IFI27L1: variants seen among roughly 807,000 people sequenced by gnomAD.
The protein encoded by IFI27L1 is interferon alpha-inducible protein 27-like protein 1.
A neutral mutation model predicts 9.2 loss-of-function variants in IFI27L1; 3 were observed. The ratio of observed to expected loss-of-function variants is 0.32; its 90% CI spans 0.15 to 0.84. The LOEUF (loss-of-function observed/expected upper bound fraction) is 0.84, where lower values mean the gene tolerates loss of function less well. Among genes scored for constraint, IFI27L1 ranks in the 40% least tolerant of loss-of-function variants. The pLI, the probability that IFI27L1 is intolerant of heterozygous loss-of-function variation, is 0.56. For synonymous variants in IFI27L1, 53 were observed against 50.0 expected (o/e 1.06, Z -0.26); for missense variants, 133 against 134.2 (o/e 0.99, Z 0.05).
At chr14:94,094,534 C>A (rs550061619) in intron 1 of IFI27L1, among the ~76,000 whole-genome samples, 1 of 152,274 alleles carries the variant, frequency 6.6e-6, no homozygotes, top group Admixed American at 6.5e-5. Context: ...GCTGATAAAG[C>A]AGCATGATGT....
rs1263126789 is a variant in IFI27L1 at position 94,086,235 on chromosome 14, C to T, written c.-52+4786C>T. Reference sequence around the variant, plus strand: ...TGTTTTCACCATCTCATGTGCCTGCCCCCCTTCCACCTTCTGCCATGATCG... The same window carrying T: ...TGTTTTCACCATCTCATGTGCCTGCTCCCCTTCCACCTTCTGCCATGATCG... On this transcript the variant is annotated intron_variant, in intron 1 of 4. Coordinates refer to ENST00000555523, the MANE Select transcript of IFI27L1 (RefSeq NM_206949.3). 2.0e-5 allele frequency among the ~76,000 whole-genome samples: 3 copies of T among 152,112 alleles called. No homozygotes were observed. In the East Asian group the frequency reaches 5.8e-4, roughly 29 times the overall value.
intron 1 of IFI27L1, among the ~76,000 whole-genome samples, chr14:94,093,156 G>A (rs1301922650): frequency 6.8e-6 from 1 of 147,602 alleles, no homozygotes; most frequent in Non-Finnish European, 1.5e-5. Flanking sequence ...ATTTTTGACT[G>A]CATTTCTTTT....
intron 1 of IFI27L1, among the ~76,000 whole-genome samples, chr14:94,084,895 T>C (rs965389419): frequency 6.6e-6 from 1 of 152,214 alleles, no homozygotes; most frequent in Non-Finnish European, 1.5e-5. Flanking sequence ...TGGGTTTTTT[T>C]ACATACAACC....
At chr14:94,102,426 G>T in intron 4 of IFI27L1, 51 bp from the exon 5 acceptor site, 1 of 1,213,024 alleles carries the variant, frequency 8.2e-7, no homozygotes, top group Non-Finnish European at 1.2e-6. Flanking sequence ...CCCCCTGTTA[G>T]GAGCTGCTAC....
chr14:94,097,082 C>A, intron 2 of IFI27L1, 117 bp downstream of exon 2: 1 of 711,692 alleles, frequency 1.4e-6, no homozygotes, highest in Non-Finnish European at 2.1e-6. Context: ...GGAGGCTATC[C>A]ATGGAAAAGA....
Position 94,088,373 on chromosome 14 carries a change from A to G in IFI27L1, c.-52+6924A>G, listed in dbSNP as rs1172495543. ...TGTGGCAGTGGCTTCCCGATATCCC[A>G]GTTTCGTGATCATGGCACTGGCTGA... is the stretch of plus-strand genomic sequence containing the variant. On this transcript the variant is annotated intron_variant, in intron 1 of 4. Transcript: ENST00000555523. 5.7e-6 allele frequency: 4 copies of G among 701,836 alleles called. No homozygotes were observed. In the Admixed American group the frequency reaches 6.0e-5, roughly 11 times the overall value. 43.5% of individuals were successfully genotyped at this position (701,836 alleles called of 1,614,324 possible). A position where few individuals can be genotyped will look rare whatever the true frequency, so the allele number is the denominator to read the frequency against.
At chr14:94,085,389 G>A (rs780549394) in intron 1 of IFI27L1, among the ~76,000 whole-genome samples, 3 of 152,146 alleles carry the variant, frequency 2.0e-5, no homozygotes, top group South Asian at 2.1e-4. Context: ...AAGACTAAAC[G>A]TAAATGCATG....
At chr14:94,100,379 C>T in intron 2 of IFI27L1, 8 of 985,428 alleles carry the variant, frequency 8.1e-6, no homozygotes, top group Non-Finnish European at 9.6e-6. Flanking sequence ...CTAAGCACCC[C>T]AGTCCCTGCC....
Position 94,081,365 on chromosome 14 carries a change from C to A in IFI27L1, c.-136C>A, listed in dbSNP as rs942026369. The A allele has an allele frequency of 2.2e-4, 33 of 152,342 alleles. No individual in the cohort carries two copies. The highest frequency in any genetic ancestry group is 1.8e-3 in the Admixed American group (28 of 15,308). The allele number at this position is 152,342 out of a possible 1,614,324, so 9.4% of individuals were successfully genotyped here. A position where few individuals can be genotyped will look rare whatever the true frequency, so the allele number is the denominator to read the frequency against. ...TGGCACCTCCTCTTACAGCTTTACT[C>A]CTGCCAGCTTGGGAAAAGGCCGGAG... On this transcript the variant is annotated 5_prime_UTR_variant, in exon 1 of 5. Transcript: ENST00000555523.
intron 1 of IFI27L1, among the ~76,000 whole-genome samples, chr14:94,093,169 T>TTTTTC (rs1886542276): frequency 6.9e-6 from 1 of 144,668 alleles, no homozygotes; most frequent in Admixed American, 6.9e-5. Flanking sequence ...TTTCTTTTCT[T>TTTTTC]TTTTTTTTTT....
At chr14:94,089,583 TTG>T (rs1886400743) in intron 1 of IFI27L1, among the ~76,000 whole-genome samples, 1 of 152,212 alleles carries the variant, frequency 6.6e-6, no homozygotes, top group Non-Finnish European at 1.5e-5. Context: ...AGCATGGTCT[TTG>T]TGAACTGTAT....
At chr14:94,099,231 G>A (rs527731972) in intron 2 of IFI27L1, among the ~76,000 whole-genome samples, 1 of 152,360 alleles carries the variant, frequency 6.6e-6, no homozygotes, top group South Asian at 2.1e-4. Flanking sequence ...CAGGTGGCAG[G>A]TGCAGGCACT....
At position 94,102,023 on chromosome 14, in the gene IFI27L1, C is replaced by T. The variant is rs201602028; in HGVS notation, c.223+48C>T. The T allele has an allele frequency of 9.2e-5, 148 of 1,607,298 alleles. 1 individual carries two copies. The highest frequency in any genetic ancestry group is 4.5e-5 in the East Asian group (2 of 44,818). ...CCAGAGCCAGGAGATGATCCAGCCC[C>T]GAGGCTGAACCAGGGAGGCCTCTCC... On this transcript the variant is annotated intron_variant, in intron 4 of 4. Coordinates refer to ENST00000555523, the MANE Select transcript of IFI27L1 (RefSeq NM_206949.3).
At chr14:94,098,766 A>G (rs1292293439) in intron 2 of IFI27L1, among the ~76,000 whole-genome samples, 1 of 152,078 alleles carries the variant, frequency 6.6e-6, no homozygotes, top group East Asian at 1.9e-4. Flanking sequence ...AGTGCATGAG[A>G]GGAGTGGTGG....
At chr14:94,088,384 C>A in intron 1 of IFI27L1, 1 of 701,534 alleles carries the variant, frequency 1.4e-6, no homozygotes, top group South Asian at 1.5e-5. Flanking sequence ...GTTTCGTGAT[C>A]ATGGCACTGG....
At chr14:94,090,949 T>G (rs1285516555) in intron 1 of IFI27L1, among the ~76,000 whole-genome samples, 1 of 152,246 alleles carries the variant, frequency 6.6e-6, no homozygotes, top group African/African-American at 2.4e-5. Context: ...TATACTTTAC[T>G]CAATTATCAA....
At chr14:94,083,813 G>C (rs1886190569) in intron 1 of IFI27L1, among the ~76,000 whole-genome samples, 1 of 152,234 alleles carries the variant, frequency 6.6e-6, no homozygotes, top group South Asian at 2.1e-4. Flanking sequence ...GTTTAAGCCA[G>C]GTGTGGTGGC....
intron 3 of IFI27L1, 83 bp downstream of exon 3, chr14:94,100,854 C>A: frequency 1.4e-6 from 2 of 1,458,698 alleles, no homozygotes; most frequent in South Asian, 1.1e-5. Context: ...TGGCTTTGAC[C>A]AAACCCAGGA....
At chr14:94,099,767 T>C (rs1015373512) in intron 2 of IFI27L1, among the ~76,000 whole-genome samples, 10 of 152,134 alleles carry the variant, frequency 6.6e-5, no homozygotes, top group Non-Finnish European at 1.0e-4. Flanking sequence ...GTCAGAAAAC[T>C]GGAAAGGGAG....
Sources: allele counts gnomAD v4.1 joint callset (sites outside exome capture counted in the v4.1 genomes callset), GRCh38; gene constraint gnomAD v4.1.1; transcripts MANE v1.5; gene names NCBI Gene and HGNC (gene_info 2026-07-23, HGNC 2026-07-21).